Variants in ARHGEF11 observed in about 807,000 individuals in gnomAD.
The protein encoded by ARHGEF11 is Rho guanine exchange factor (GEF) 11.
In ARHGEF11, 55 loss-of-function variants were observed where a neutral mutation model predicts 193.7. The ratio of observed to expected loss-of-function variants is 0.28; its 90% CI spans 0.23 to 0.36. The LOEUF (loss-of-function observed/expected upper bound fraction) is 0.36. Ranked by LOEUF, ARHGEF11 falls within the 10% of genes least tolerant of loss-of-function variation. The pLI is 1.00. For synonymous variants in ARHGEF11, 693 were observed against 768.0 expected (o/e 0.90, Z 1.62); for missense variants, 1,723 against 2,005.6 (o/e 0.86, Z 2.69).
At chr1:157,018,765 A>G (rs1295803580) in intron 1 of ARHGEF11, among the ~76,000 whole-genome samples, 6 of 152,374 alleles carry the variant, frequency 3.9e-5, no homozygotes, top group African/African-American at 1.4e-4. Flanking sequence ...AAGCTACAAT[A>G]ATCAAATCAG....
Position 156,937,362 on chromosome 1 carries a change from C to G in ARHGEF11, c.4327G>C (p.Gly1443Arg). 1 of 1,611,736 alleles carries G rather than the reference C, an allele frequency of 6.2e-7. No homozygotes were observed. The highest frequency in any genetic ancestry group is 8.5e-7 in the Non-Finnish European group (1 of 1,178,876). The change falls in exon 39 of 41, where the codon GGC (glycine) becomes CGC (arginine). Residue 1443 changes from glycine to arginine, a missense_variant. Gly to Arg is a moderately radical substitution (Grantham distance 125). Around this residue, in one of 5 missense-constraint regions of ARHGEF11, gnomAD observed 360 missense variants for 344.4 expected, o/e 1.05. Coordinates refer to ENST00000368194, the MANE Select transcript of ARHGEF11 (RefSeq NM_198236.3). ...CTGGGGCGTCTTGGATCATCGTTGCCTCCCTGCAGCTGAGGCTGAGGCTCT... is the reference window on the plus strand; with the variant it reads ...CTGGGGCGTCTTGGATCATCGTTGCGTCCCTGCAGCTGAGGCTGAGGCTCT... ...QTEPQPQLQG[G>R]NDDPRRPSRS...
In ARHGEF11 at chr1:157,030,830, C is replaced by A. The variant is rs138926898; in HGVS notation, c.32+13469G>T. The stretch of plus-strand genomic sequence containing the variant: ...CACCTCAATGAGATAATGGACAAGA[C>A]ACTTTGCCAAATACATCTTGTAGTG... On this transcript the variant is annotated intron_variant, in intron 1 of 40. Coordinates refer to ENST00000368194, the MANE Select transcript of ARHGEF11 (RefSeq NM_198236.3). Among the ~76,000 whole-genome samples, 4 of 152,254 alleles carry A rather than the reference C, an allele frequency of 2.6e-5. No individual in the cohort carries two copies. The East Asian group carries it at 7.7e-4, about 29-fold the overall frequency.
In ARHGEF11 at chr1:156,948,005, C is replaced by CAGAGGGTTT. The variant is rs535023395; in HGVS notation, c.2154-58_2154-50dup. 531 of 1,597,732 alleles carry CAGAGGGTTT rather than the reference C, an allele frequency of 3.3e-4. 4 individuals carry two copies. In the South Asian group the frequency reaches 5.6e-3, roughly 17 times the overall value. Reference sequence around the variant, plus strand: ...CTTCATTTAGGAGGAAGAACTCACACAGAGGGTTTGGCCCTCCCTCTCCTG... The same window carrying CAGAGGGTTT: ...CTTCATTTAGGAGGAAGAACTCACACAGAGGGTTTAGAGGGTTTGGCCCTCCCTCTCCTG... On this transcript the variant is annotated intron_variant, in intron 24 of 40. Coordinates refer to ENST00000368194, the MANE Select transcript of ARHGEF11 (RefSeq NM_198236.3). This position sits in a 1 kb window ranked among gnomAD's most constrained non-coding sequence, Gnocchi z 4.2.
intron 18 of ARHGEF11, among the ~76,000 whole-genome samples, chr1:156,956,956 T>G (rs1347249781): frequency 6.6e-6 from 1 of 152,068 alleles, no homozygotes; most frequent in Non-Finnish European, 1.5e-5. Flanking sequence ...CAGCTGATAC[T>G]CTCAGGCATA....
chr1:157,001,849 A>G (rs1667238513), intron 1 of ARHGEF11, among the ~76,000 whole-genome samples: 1 of 152,242 alleles, frequency 6.6e-6, no homozygotes, highest in African/African-American at 2.4e-5. Flanking sequence ...TGGCACTGGG[A>G]TATGGGCTTA....
chr1:156,972,398 G>C (rs1320990508), intron 7 of ARHGEF11, among the ~76,000 whole-genome samples: 1 of 152,204 alleles, frequency 6.6e-6, no homozygotes, highest in Non-Finnish European at 1.5e-5. Context: ...GGGCAAGCTT[G>C]AATACATCCT....
At chr1:157,027,088 G>C (rs969930752) in intron 1 of ARHGEF11, among the ~76,000 whole-genome samples, 1 of 152,138 alleles carries the variant, frequency 6.6e-6, no homozygotes, top group Non-Finnish European at 1.5e-5. Context: ...TACTTAAAGA[G>C]TACTGTCTAG....
rs534738656 is a variant in ARHGEF11, at chr1:156,953,378, T to C, written c.1798+1514A>G. Among the ~76,000 whole-genome samples the C allele has an allele frequency of 3.5e-4, 54 of 152,242 alleles. 1 individual carries two copies. In the South Asian group the frequency reaches 5.0e-3, roughly 14 times the overall value. On this transcript the variant is annotated intron_variant, in intron 21 of 40. Transcript: ENST00000368194. ...TGTTTGAGCCAGGAGTTCAAGGCTG[T>C]AGTAAGCTATGACTAGACCACTGCA...
In ARHGEF11 at chr1:156,945,432, AATCCCT is replaced by A. The variant is rs1657938746; in HGVS notation, c.2813-241_2813-236del. The A allele has an allele frequency of 7.4e-6, 4 of 538,048 alleles. No individual in the cohort carries two copies. The South Asian group carries it at 9.4e-5, about 13-fold the overall frequency. 33.3% of individuals were successfully genotyped at this position (538,048 alleles called of 1,614,324 possible). A position where few individuals can be genotyped will look rare whatever the true frequency, so the allele number is the denominator to read the frequency against. On this transcript the variant is annotated intron_variant, in intron 29 of 40. Transcript: ENST00000368194. ...TTTGAAGACGCTGATAGCTCCTGGG[AATCCCT>A]GCCTCTACTACAACCAGCTCTACAG...
At chr1:157,035,468 C>T (rs1290257564) in intron 1 of ARHGEF11, among the ~76,000 whole-genome samples, 5 of 151,386 alleles carry the variant, frequency 3.3e-5, no homozygotes, top group African/African-American at 4.9e-5. Context: ...AGCAATGGCG[C>T]AATCTCGGCT....
intron 1 of ARHGEF11, among the ~76,000 whole-genome samples, chr1:156,993,639 T>A (rs1464502476): frequency 6.6e-6 from 1 of 152,156 alleles, no homozygotes; most frequent in Non-Finnish European, 1.5e-5. Flanking sequence ...CTGGTCTTAC[T>A]GGTTGGTTTC....
At chr1:156,995,243 G>A (rs181980813) in intron 1 of ARHGEF11, among the ~76,000 whole-genome samples, 4 of 152,274 alleles carry the variant, frequency 2.6e-5, no homozygotes, top group East Asian at 3.9e-4. Flanking sequence ...ACACCCTTCC[G>A]TGGTTTCCCA....
chr1:157,030,480 T>C (rs1301609903), intron 1 of ARHGEF11, among the ~76,000 whole-genome samples: 2 of 152,156 alleles, frequency 1.3e-5, no homozygotes, highest in African/African-American at 2.4e-5. Context: ...AAGGAAATTG[T>C]ATTGGGAAGA....
chr1:156,946,514 G>GT, intron 28 of ARHGEF11, 148 bp downstream of exon 28: 1 of 1,186,768 alleles, frequency 8.4e-7, no homozygotes, highest in Non-Finnish European at 1.2e-6. Flanking sequence ...TTTGTCTAGA[G>GT]TGAGTCAGTG....
chr1:156,950,748 C>A (rs972532619), intron 22 of ARHGEF11, among the ~76,000 whole-genome samples: 2 of 152,234 alleles, frequency 1.3e-5, no homozygotes, highest in African/African-American at 4.8e-5. Context: ...CCTGCCTATA[C>A]TCCAGCTCAG....
intron 22 of ARHGEF11, among the ~76,000 whole-genome samples, chr1:156,949,467 C>T (rs1008053817): frequency 7.2e-5 from 11 of 152,168 alleles, no homozygotes; most frequent in Non-Finnish European, 1.6e-4. Flanking sequence ...CTTAATAGCA[C>T]AGCAGGTTGC....
chr1:156,978,494 T>C (rs1663595509), intron 5 of ARHGEF11, 112 bp from the exon 6 acceptor site: 7 of 1,410,336 alleles, frequency 5.0e-6, no homozygotes, highest in Non-Finnish European at 6.5e-6. Flanking sequence ...CATTATTCTG[T>C]AGATTAAGTT....
chr1:156,964,450 G>A (rs946504407), intron 11 of ARHGEF11, among the ~76,000 whole-genome samples: 1 of 152,104 alleles, frequency 6.6e-6, no homozygotes, highest in Non-Finnish European at 1.5e-5. Flanking sequence ...CAAGGTCTCT[G>A]CTTCTGGAAC....
In ARHGEF11 at chr1:156,947,021, G is replaced by C. The variant is rs758117617; in HGVS notation, c.2489-6C>G. On this transcript the variant is annotated splice_region_variant and splice_polypyrimidine_tract_variant and intron_variant, in intron 26 of 40. Transcript: ENST00000368194. ...CATGGCTTCACACCAGGAATCTGGG[G>C]CAGGAAGAGAACAAATAGAAATGCC... is the stretch of plus-strand genomic sequence containing the variant. 7 of 1,614,034 alleles carry C rather than the reference G, an allele frequency of 4.3e-6. No homozygotes were observed. In the South Asian group the frequency reaches 6.6e-5, roughly 15 times the overall value.
Sources: gnomAD v4.1 joint callset for allele counts (sites outside exome capture counted in the v4.1 genomes callset) on GRCh38, gnomAD v4.1.1 for gene constraint, gnomAD v4.1.1 regional missense constraint, Gnocchi (gnomAD v3.1) non-coding constraint, MANE v1.5 for transcripts, NCBI Gene and HGNC (gene_info 2026-07-23, HGNC 2026-07-21) for gene names.